Variants in ST6GALNAC3 observed in about 807,000 individuals in gnomAD.
The protein encoded by ST6GALNAC3 is ST6 N-acetylgalactosaminide alpha-2,6-sialyltransferase 3.
ST6GALNAC3 carries 25 observed loss-of-function variants against 32.7 expected under a neutral mutation model. The ratio of observed to expected loss-of-function variants is 0.76; its 90% CI spans 0.56 to 1.07. The LOEUF is 1.07. Ranked by LOEUF, ST6GALNAC3 falls within the 50% of genes least tolerant of loss-of-function variation. ST6GALNAC3 has a pLI of 0.00. For missense variants in ST6GALNAC3, 355 were observed against 382.4 expected (o/e 0.93, Z 0.60); for synonymous variants, 129 against 133.1 (o/e 0.97, Z 0.21).
At chr1:76,364,002 A>G (rs966539929) in intron 2 of ST6GALNAC3, among the ~76,000 whole-genome samples, 1 of 152,182 alleles carries the variant, frequency 6.6e-6, no homozygotes, top group Non-Finnish European at 1.5e-5. Flanking sequence ...CATGAGATTT[A>G]TTGGAAATAC....
At chr1:76,215,002 A>G (rs2100585507) in intron 1 of ST6GALNAC3, among the ~76,000 whole-genome samples, 1 of 152,310 alleles carries the variant, frequency 6.6e-6, no homozygotes, top group South Asian at 2.1e-4. Flanking sequence ...GCTCATATCA[A>G]ATATGGTGAT....
intron 1 of ST6GALNAC3, among the ~76,000 whole-genome samples, chr1:76,102,443 C>T (rs1647265623): frequency 6.6e-6 from 1 of 151,990 alleles, no homozygotes; most frequent in African/African-American, 2.4e-5. Flanking sequence ...TATTAATTTG[C>T]TATCTTTCTT....
intron 3 of ST6GALNAC3, among the ~76,000 whole-genome samples, chr1:76,573,462 C>A (rs1646744655): frequency 6.6e-6 from 1 of 152,058 alleles, no homozygotes; most frequent in Non-Finnish European, 1.5e-5. Context: ...AGGGAGCAAT[C>A]CCCTGCCCTG....
chr1:76,352,433 G>T (rs1649057904), intron 2 of ST6GALNAC3, among the ~76,000 whole-genome samples: 1 of 147,704 alleles, frequency 6.8e-6, no homozygotes, highest in Non-Finnish European at 1.5e-5. Context: ...AAGGCATTCA[G>T]AACTGTGCCT....
intron 2 of ST6GALNAC3, among the ~76,000 whole-genome samples, chr1:76,409,540 A>G (rs1281481701): frequency 1.1e-5 from 1 of 89,842 alleles, no homozygotes; most frequent in African/African-American, 2.9e-5. Context: ...TTTATAGTAG[A>G]AAAAAAAACA....
chr1:76,075,030 A>G (rs918773371), intron 1 of ST6GALNAC3, 146 bp downstream of exon 1: 3 of 995,920 alleles, frequency 3.0e-6, no homozygotes, highest in East Asian at 5.3e-5. Flanking sequence ...TGGCAAATGC[A>G]TATGGAGGGA....
chr1:76,243,842 T>C (rs1348293470), intron 1 of ST6GALNAC3, among the ~76,000 whole-genome samples: 1 of 152,358 alleles, frequency 6.6e-6, no homozygotes, highest in East Asian at 1.9e-4. Context: ...GCTGTTTTGG[T>C]TACTGTAGCC....
intron 2 of ST6GALNAC3, among the ~76,000 whole-genome samples, chr1:76,395,379 T>C (rs939951058): frequency 2.0e-5 from 3 of 152,238 alleles, no homozygotes; most frequent in Admixed American, 1.3e-4. Context: ...GGAAAGAGTA[T>C]GGAGATTTCT....
chr1:76,139,010 C>A (rs571422142), intron 1 of ST6GALNAC3, among the ~76,000 whole-genome samples: 2 of 152,096 alleles, frequency 1.3e-5, no homozygotes, highest in African/African-American at 4.8e-5. Flanking sequence ...CTGGCTAACA[C>A]GGTGAAACCC....
chr1:76,155,979 G>A, intron 1 of ST6GALNAC3, among the ~76,000 whole-genome samples: 1 of 152,090 alleles, frequency 6.6e-6, no homozygotes, highest in East Asian at 1.9e-4. Flanking sequence ...TAGTTGTCAT[G>A]TCTTCTTAAG....
At chr1:76,528,556 GAT>G (rs2101813982) in intron 3 of ST6GALNAC3, among the ~76,000 whole-genome samples, 1 of 152,128 alleles carries the variant, frequency 6.6e-6, no homozygotes, top group East Asian at 1.9e-4. Flanking sequence ...ACTCTTGTTG[GAT>G]ATGATTTTTG....
At chr1:76,090,420 G>A (rs1220734632) in intron 1 of ST6GALNAC3, among the ~76,000 whole-genome samples, 3 of 152,184 alleles carry the variant, frequency 2.0e-5, no homozygotes, top group East Asian at 1.9e-4. Flanking sequence ...CTAACTGGCC[G>A]GATGGCTGTG....
At chr1:76,595,111 T>C (rs1396165076) in intron 3 of ST6GALNAC3, among the ~76,000 whole-genome samples, 1 of 152,074 alleles carries the variant, frequency 6.6e-6, no homozygotes, top group East Asian at 1.9e-4. Context: ...AGGTATACAG[T>C]GTAAGAGCAG....
chr1:76,396,910 C>A (rs770376174), intron 2 of ST6GALNAC3, among the ~76,000 whole-genome samples: 4 of 152,046 alleles, frequency 2.6e-5, no homozygotes, highest in Non-Finnish European at 5.9e-5. Flanking sequence ...GTCTTGTGTA[C>A]TAAAAGGGTA....
chr1:76,135,720 T>C (rs1186165914), intron 1 of ST6GALNAC3, among the ~76,000 whole-genome samples: 1 of 152,150 alleles, frequency 6.6e-6, no homozygotes, highest in Non-Finnish European at 1.5e-5. Flanking sequence ...CAAGATAGGA[T>C]TTCTCCTTTC....
intron 1 of ST6GALNAC3, among the ~76,000 whole-genome samples, chr1:76,203,449 G>A (rs984070843): frequency 6.6e-6 from 1 of 152,176 alleles, no homozygotes; most frequent in Non-Finnish European, 1.5e-5. Context: ...GTTGCATGTG[G>A]AAGATTTAGA....
intron 3 of ST6GALNAC3, among the ~76,000 whole-genome samples, chr1:76,468,477 T>C (rs1366991089): frequency 6.6e-6 from 1 of 152,006 alleles, no homozygotes; most frequent in Non-Finnish European, 1.5e-5. Flanking sequence ...CAAACATATA[T>C]TGAAAGAGAT....
intron 3 of ST6GALNAC3, among the ~76,000 whole-genome samples, chr1:76,566,450 C>G (rs2100462215): frequency 6.6e-6 from 1 of 152,174 alleles, no homozygotes; most frequent in East Asian, 1.9e-4. Flanking sequence ...TTACAATGGC[C>G]CTGCAGGTTC....
At chr1:76,189,543 G>A (rs1427681261) in intron 1 of ST6GALNAC3, among the ~76,000 whole-genome samples, 1 of 151,818 alleles carries the variant, frequency 6.6e-6, no homozygotes. Flanking sequence ...AGACAAATAC[G>A]CCCTTTGATG....
Sources: gnomAD v4.1 joint callset for allele counts (sites outside exome capture counted in the v4.1 genomes callset) on GRCh38, gnomAD v4.1.1 for gene constraint, MANE v1.5 for transcripts, NCBI Gene and HGNC (gene_info 2026-07-23, HGNC 2026-07-21) for gene names.